The following DPH6 variants were observed in gnomAD, a reference collection of about 807,000 sequenced individuals.
The protein encoded by DPH6 is diphthamine biosynthesis 6, also known as diphthine--ammonia ligase.
DPH6 carries 33 observed loss-of-function variants against 38.2 expected under a neutral mutation model. That is an observed-to-expected ratio of 0.86 (90% confidence interval 0.65 to 1.15). DPH6 has a LOEUF of 1.15. DPH6 is among the 50% of genes most tolerant of loss of function. The pLI is 0.00. For synonymous variants in DPH6, 108 were observed against 103.0 expected (o/e 1.05, Z -0.30); for missense variants, 325 against 320.0 (o/e 1.02, Z -0.12).
chr15:35,425,796 T>TAG (rs1352037421), intron 5 of DPH6, among the ~76,000 whole-genome samples: 6 of 140,490 alleles, frequency 4.3e-5, no homozygotes, highest in African/African-American at 1.7e-4. Flanking sequence ...ATCATATATA[T>TAG]ATATATGACA....
chr15:35,165,853 T>G, the DPH6 span, among the ~76,000 whole-genome samples: 2 of 151,962 alleles, frequency 1.3e-5, no homozygotes, highest in African/African-American at 4.8e-5. Context: ...GTATACAAGA[T>G]TTAGAAAGTT....
At chr15:35,412,305 C>T (rs1480491445) in intron 5 of DPH6, among the ~76,000 whole-genome samples, 9 of 151,590 alleles carry the variant, frequency 5.9e-5, no homozygotes, top group Admixed American at 2.0e-4. Context: ...CACTACACAC[C>T]TATTATAGTG....
intron 1 of DPH6, among the ~76,000 whole-genome samples, chr15:35,544,756 G>A (rs2055318853): frequency 4.6e-5 from 7 of 152,082 alleles, no homozygotes; most frequent in Admixed American, 4.6e-4. Flanking sequence ...AGCAACATAT[G>A]CACATTACAG....
At chr15:35,259,570 G>A (rs781691824) in intron 3 of DPH6, among the ~76,000 whole-genome samples, 14 of 152,116 alleles carry the variant, frequency 9.2e-5, no homozygotes, top group Admixed American at 2.6e-4. Context: ...AAATAGTGAC[G>A]ACACTGAAAA....
the DPH6 span, among the ~76,000 whole-genome samples, chr15:35,179,846 A>G: frequency 2.4e-4 from 36 of 152,302 alleles, no homozygotes; most frequent in African/African-American, 8.4e-4. Context: ...AAGTAGATGC[A>G]TGGCAAAGAA....
At chr15:35,272,893 C>T (rs1042146175) in intron 3 of DPH6, among the ~76,000 whole-genome samples, 5 of 151,330 alleles carry the variant, frequency 3.3e-5, no homozygotes, top group East Asian at 1.9e-4. Flanking sequence ...GGCAACAGAG[C>T]GAGACCCCAT....
intron 6 of DPH6, among the ~76,000 whole-genome samples, chr15:35,383,626 T>G (rs1205293436): frequency 6.6e-6 from 1 of 152,210 alleles, no homozygotes; most frequent in Non-Finnish European, 1.5e-5. Context: ...GATTCACCAG[T>G]ATTGACACAT....
chr15:35,452,807 G>A (rs1210371795), intron 4 of DPH6, among the ~76,000 whole-genome samples: 1 of 152,172 alleles, frequency 6.6e-6, no homozygotes, highest in African/African-American at 2.4e-5. Context: ...ATTCAGCAGT[G>A]ATTTACAGAG....
chr15:35,502,769 A>C (rs1266878586), intron 3 of DPH6, among the ~76,000 whole-genome samples: 1 of 151,508 alleles, frequency 6.6e-6, no homozygotes, highest in Non-Finnish European at 1.5e-5. Context: ...ATTTGTTAAG[A>C]TCTCACTTTG....
the DPH6 span, among the ~76,000 whole-genome samples, chr15:35,198,869 C>G: frequency 1.3e-5 from 2 of 151,952 alleles, no homozygotes; most frequent in African/African-American, 4.8e-5. Context: ...AGTAACACTT[C>G]AAATACTTTT....
At chr15:35,353,294 T>C (rs1427484698) in intron 3 of DPH6, among the ~76,000 whole-genome samples, 1 of 152,202 alleles carries the variant, frequency 6.6e-6, no homozygotes, top group Non-Finnish European at 1.5e-5. Context: ...TTAGATCCCA[T>C]TTGTCAATTT....
intron 3 of DPH6, among the ~76,000 whole-genome samples, chr15:35,511,742 C>T (rs540958356): frequency 1.3e-5 from 2 of 151,870 alleles, no homozygotes; most frequent in South Asian, 4.2e-4. Flanking sequence ...TATTCCCTAA[C>T]TGCATCAAAA....
At chr15:35,388,899 C>G (rs902551883) in intron 6 of DPH6, among the ~76,000 whole-genome samples, 3 of 151,942 alleles carry the variant, frequency 2.0e-5, no homozygotes, top group East Asian at 1.9e-4. Flanking sequence ...GAATGTGTTT[C>G]CTCTTGCTTC....
chr15:35,343,995 T>G (rs2052442686), intron 3 of DPH6, among the ~76,000 whole-genome samples: 1 of 152,046 alleles, frequency 6.6e-6, no homozygotes, highest in Admixed American at 6.6e-5. Flanking sequence ...ATCTAGGTTT[T>G]CTCTGGATAA....
intron 6 of DPH6, among the ~76,000 whole-genome samples, chr15:35,403,880 C>T (rs545001361): frequency 3.3e-4 from 50 of 151,658 alleles, no homozygotes; most frequent in African/African-American, 1.2e-3. Context: ...TCCCCCACTA[C>T]CATTTCCAGC....
chr15:35,270,640 A>C (rs1006242212), intron 3 of DPH6, among the ~76,000 whole-genome samples: 1 of 152,190 alleles, frequency 6.6e-6, no homozygotes, highest in Non-Finnish European at 1.5e-5. Flanking sequence ...ACCTAGAAAA[A>C]ACCTAAGTTA....
At chr15:35,236,780 G>C (rs1465950448) in intron 3 of DPH6, among the ~76,000 whole-genome samples, 1 of 152,092 alleles carries the variant, frequency 6.6e-6, no homozygotes, top group Admixed American at 6.5e-5. Context: ...GATCTGATTA[G>C]TTTAGATCAT....
chr15:35,517,036 A>G (rs1362501344), intron 3 of DPH6, among the ~76,000 whole-genome samples: 1 of 152,088 alleles, frequency 6.6e-6, no homozygotes, highest in Non-Finnish European at 1.5e-5. Flanking sequence ...CTTCAATATC[A>G]ACTCATAATA....
At chr15:35,268,747 G>GAA (rs60593996) in intron 3 of DPH6, among the ~76,000 whole-genome samples, 1 of 139,864 alleles carries the variant, frequency 7.1e-6, no homozygotes, top group Non-Finnish European at 1.6e-5. Flanking sequence ...ATAAAAAATG[G>GAA]AAAAAAAAAA....
Sources: allele counts gnomAD v4.1 joint callset (sites outside exome capture counted in the v4.1 genomes callset), GRCh38; gene constraint gnomAD v4.1.1; transcripts MANE v1.5; gene names NCBI Gene and HGNC (gene_info 2026-07-23, HGNC 2026-07-21).